PRKG1: variants seen among roughly 807,000 people sequenced by gnomAD.
The protein encoded by PRKG1 is cGMP-dependent protein kinase 1.
Under a neutral mutation model 88.1 loss-of-function variants are expected in PRKG1, and 35 were observed. The ratio of observed to expected loss-of-function variants is 0.40; its 90% CI spans 0.30 to 0.53. PRKG1 has a LOEUF of 0.53. PRKG1 is among the 20% of genes least tolerant of loss of function. The pLI is 0.59. For synonymous variants in PRKG1, 303 were observed against 292.5 expected, an observed-to-expected ratio of 1.04 and a Z score of -0.37; for missense variants, 540 against 839.8, an observed-to-expected ratio of 0.64 and a Z score of 4.41.
rs145081906 is a variant in PRKG1 at position 51,116,219 on chromosome 10, A to G, written c.312-36945A>G. 1.9e-3 allele frequency among the ~76,000 whole-genome samples: 288 copies of G among 152,322 alleles called. 3 individuals carry two copies. Among genetic ancestry groups the G allele is most frequent in the Admixed American group, 4.4e-3 (67 of 15,302 alleles). On this transcript the variant is annotated intron_variant, in intron 1 of 17. Transcript: ENST00000373980. ...CTGCATCAATAATGTGGCATTATCC[A>G]CGGTAGACTGGCGGAACATATAAGC...
chr10:52,226,974 C>T (rs1840404189), intron 9 of PRKG1, among the ~76,000 whole-genome samples: 1 of 152,006 alleles, frequency 6.6e-6, no homozygotes, highest in Non-Finnish European at 1.5e-5. Flanking sequence ...TGCAAGAGAT[C>T]TTATATTCTG....
chr10:51,648,900 C>T (rs772865005), intron 3 of PRKG1, among the ~76,000 whole-genome samples: 8 of 152,066 alleles, frequency 5.3e-5, no homozygotes, highest in Admixed American at 1.3e-4. Flanking sequence ...AAATTATGTC[C>T]ACAGCAAGAA....
intron 9 of PRKG1, chr10:52,185,078 T>G (rs1839155242): frequency 6.6e-6 from 1 of 152,208 alleles, no homozygotes; most frequent in Non-Finnish European, 1.5e-5. Flanking sequence ...CCCCTCCCAA[T>G]AGTCCCCCAA....
intron 9 of PRKG1, among the ~76,000 whole-genome samples, chr10:52,192,488 G>C (rs1839391970): frequency 6.6e-6 from 1 of 152,022 alleles, no homozygotes; most frequent in Non-Finnish European, 1.5e-5. Context: ...TTTATTCTAA[G>C]GGAGTAGCAT....
In PRKG1 at chr10:51,455,708, C is replaced by T. The variant is rs1839565929; in HGVS notation, c.479-12015C>T. Reference sequence around the variant, plus strand: ...CGTTCCTCATCTCCATCTGAGACCACATCAGCCTGGACTTTATTGTCCATA... The same window carrying T: ...CGTTCCTCATCTCCATCTGAGACCATATCAGCCTGGACTTTATTGTCCATA... On this transcript the variant is annotated intron_variant, in intron 2 of 17. Coordinates refer to ENST00000373980, the MANE Select transcript of PRKG1 (RefSeq NM_006258.4). 2.0e-5 allele frequency among the ~76,000 whole-genome samples: 3 copies of T among 152,326 alleles called. No individual in the cohort carries two copies. In the South Asian group the frequency reaches 6.2e-4, roughly 32 times the overall value.
rs1842412151 is a variant in PRKG1, at chr10:52,297,843, T to G, written c.*3943T>G. The G allele has an allele frequency of 6.6e-6, 1 of 152,144 alleles. No individual in the cohort carries two copies. The highest frequency in any genetic ancestry group is 1.5e-5 in the Non-Finnish European group (1 of 68,020). The allele number at this position is 152,144 out of a possible 1,614,324, so 9.4% of individuals were successfully genotyped here. A position where few individuals can be genotyped will look rare whatever the true frequency, so the allele number is the denominator to read the frequency against. On this transcript the variant is annotated 3_prime_UTR_variant, in exon 18 of 18. Coordinates refer to ENST00000373980, the MANE Select transcript of PRKG1 (RefSeq NM_006258.4). ...ATGAAAAAGTCACTTGGTGCACCTCTCAACAAAACAGGATGCTTTTTCCGA... is the reference window on the plus strand; with the variant it reads ...ATGAAAAAGTCACTTGGTGCACCTCGCAACAAAACAGGATGCTTTTTCCGA...
At chr10:51,529,683 A>G (rs911837789) in intron 3 of PRKG1, among the ~76,000 whole-genome samples, 2 of 133,140 alleles carry the variant, frequency 1.5e-5, no homozygotes, top group Non-Finnish European at 3.2e-5. Flanking sequence ...ACAGACACAC[A>G]CACACACGCT....
intron 7 of PRKG1, among the ~76,000 whole-genome samples, chr10:52,111,960 T>C (rs144435095): frequency 6.6e-5 from 10 of 152,322 alleles, no homozygotes; most frequent in Middle Eastern, 3.4e-3. Flanking sequence ...AGGATTAAAA[T>C]ATTCTAACAT....
intron 5 of PRKG1, among the ~76,000 whole-genome samples, chr10:52,028,961 C>G (rs1845410081): frequency 1.3e-5 from 2 of 152,256 alleles, no homozygotes; most frequent in Admixed American, 1.3e-4. Flanking sequence ...ACAAAAGACC[C>G]TTGCTATTTG....
Position 51,047,443 on chromosome 10 carries a change from A to G in PRKG1, c.266+55799A>G, listed in dbSNP as rs1843504318. On this transcript the variant is annotated intron_variant, in intron 1 of 17. Coordinates refer to the PRKG1 transcript ENST00000401604. ...TGTTGATGGATTGGACTTGTTGAGT[A>G]GATGGGTAGCCTAGGTCAGTTTTCC... Among the ~76,000 whole-genome samples the G allele has an allele frequency of 2.0e-5, 3 of 152,326 alleles. 1 individual carries two copies. The Middle Eastern group carries it at 0.01, about 518-fold the overall frequency.
intron 7 of PRKG1, among the ~76,000 whole-genome samples, chr10:52,116,529 G>A (rs1211233382): frequency 6.6e-6 from 1 of 151,904 alleles, no homozygotes; most frequent in African/African-American, 2.4e-5. Flanking sequence ...ATCCTTGCTT[G>A]CACTTCGAAA....
chr10:51,698,240 C>T (rs1289986521), intron 3 of PRKG1: 7 of 1,614,068 alleles, frequency 4.3e-6, no homozygotes, highest in Non-Finnish European at 5.9e-6. Context: ...GGTCTCCATT[C>T]CTCTCCTCTC....
intron 1 of PRKG1, among the ~76,000 whole-genome samples, chr10:51,009,028 T>G (rs1212570255): frequency 1.3e-5 from 2 of 152,222 alleles, no homozygotes; most frequent in Non-Finnish European, 2.9e-5. Context: ...TTCTCTTGTT[T>G]TCATGGTATG....
rs1309775151 is a variant in PRKG1 at position 52,295,158 on chromosome 10, C to T, written c.*1258C>T. 2.0e-5 allele frequency: 3 copies of T among 151,706 alleles called. No homozygotes were observed. The highest frequency in any genetic ancestry group is 6.6e-5 in the Admixed American group (1 of 15,210). 9.4% of individuals were successfully genotyped at this position (151,706 alleles called of 1,614,324 possible). A position where few individuals can be genotyped will look rare whatever the true frequency, so the allele number is the denominator to read the frequency against. Reference sequence around the variant, plus strand: ...GTAGAAAAGACAAAGAAAGAAAGCCCAAAGTCAAAGTTGTTAATATTTACA... The same window carrying T: ...GTAGAAAAGACAAAGAAAGAAAGCCTAAAGTCAAAGTTGTTAATATTTACA... On this transcript the variant is annotated 3_prime_UTR_variant, in exon 18 of 18. Coordinates refer to ENST00000373980, the MANE Select transcript of PRKG1 (RefSeq NM_006258.4).
chr10:51,956,150 G>A (rs1346153872), intron 5 of PRKG1, among the ~76,000 whole-genome samples: 1 of 152,012 alleles, frequency 6.6e-6, no homozygotes, highest in Non-Finnish European at 1.5e-5. Context: ...GCTTCCTGTT[G>A]CAAATGTCAG....
intron 4 of PRKG1, 137 bp downstream of exon 4, chr10:51,804,827 A>G (rs1434396042): frequency 3.3e-6 from 2 of 608,768 alleles, no homozygotes. Flanking sequence ...TAGAGATGTA[A>G]GACTTCGAAC....
At chr10:51,595,607 G>A (rs1035302119) in intron 3 of PRKG1, among the ~76,000 whole-genome samples, 1 of 147,974 alleles carries the variant, frequency 6.8e-6, no homozygotes, top group Non-Finnish European at 1.5e-5. Flanking sequence ...TCCAGCCTGG[G>A]TGACAGAGTG....
At chr10:51,614,271 C>A (rs1300798615) in intron 3 of PRKG1, among the ~76,000 whole-genome samples, 1 of 151,416 alleles carries the variant, frequency 6.6e-6, no homozygotes, top group African/African-American at 2.4e-5. Flanking sequence ...TACTGTTTTG[C>A]CTTAAAGTCT....
intron 3 of PRKG1, among the ~76,000 whole-genome samples, chr10:51,755,839 C>G (rs1028547297): frequency 3.9e-5 from 6 of 152,058 alleles, no homozygotes; most frequent in African/African-American, 1.2e-4. Flanking sequence ...AGGAATTTTC[C>G]TTATCATATT....
Sources: gnomAD v4.1 joint callset for allele counts (sites outside exome capture counted in the v4.1 genomes callset) on GRCh38, gnomAD v4.1.1 for gene constraint, MANE v1.5 for transcripts, NCBI Gene and HGNC (gene_info 2026-07-23, HGNC 2026-07-21) for gene names.